The following CEP83 variants were observed in gnomAD, a reference collection of about 807,000 sequenced individuals.
CEP83 encodes the protein centrosomal protein 83, also known as centrosomal protein of 83 kDa.
CEP83 carries 70 observed loss-of-function variants against 101.9 expected under a neutral mutation model. The observed-to-expected ratio is 0.69, with a 90% CI of 0.57 to 0.84. CEP83 has a LOEUF of 0.84. CEP83 is among the 40% of genes least tolerant of loss of function. CEP83 has a pLI of 0.00. For synonymous variants in CEP83, 264 were observed against 267.9 expected, an observed-to-expected ratio of 0.99 and a Z score of 0.14; for missense variants, 715 against 787.2, an observed-to-expected ratio of 0.91 and a Z score of 1.10.
At chr12:94,373,276 T>C (rs2061384000) in intron 8 of CEP83, among the ~76,000 whole-genome samples, 1 of 152,228 alleles carries the variant, frequency 6.6e-6, no homozygotes, top group Admixed American at 6.5e-5. Flanking sequence ...ATTTGCTTTA[T>C]GTTTTGACAC....
the CEP83 span, among the ~76,000 whole-genome samples, chr12:94,271,755 T>C: frequency 7.9e-5 from 12 of 152,204 alleles, no homozygotes; most frequent in African/African-American, 2.7e-4. Flanking sequence ...TGATTCAGTT[T>C]TCCTTGTCTG....
the CEP83 span, chr12:94,278,065 CCTCT>C: frequency 1.1e-5 from 5 of 456,056 alleles, no homozygotes; most frequent in African/African-American, 2.0e-5. Context: ...GCCCCCCCTC[CCTCT>C]GTCTCTGTAT....
At chr12:94,356,778 C>T (rs1236389388) in intron 11 of CEP83, among the ~76,000 whole-genome samples, 1 of 152,226 alleles carries the variant, frequency 6.6e-6, no homozygotes, top group African/African-American at 2.4e-5. Flanking sequence ...TGTCTAACTC[C>T]TGCTCAGTTC....
intron 6 of CEP83, among the ~76,000 whole-genome samples, chr12:94,384,507 T>G (rs2062024082): frequency 6.6e-6 from 1 of 152,210 alleles, no homozygotes; most frequent in South Asian, 2.1e-4. Flanking sequence ...CCCTGCCCTC[T>G]TTTCTCCTTT....
chr12:94,298,491 A>ATTTTACATTT, the CEP83 span: 1 of 708,896 alleles, frequency 1.4e-6, no homozygotes, highest in Non-Finnish European at 2.3e-6. Flanking sequence ...ACATTTGACA[A>ATTTTACATTT]TTTTACATTT....
At chr12:94,432,368 G>GT (rs913182700) in intron 2 of CEP83, among the ~76,000 whole-genome samples, 6 of 151,650 alleles carry the variant, frequency 4.0e-5, no homozygotes, top group Admixed American at 1.3e-4. Flanking sequence ...GGCCTGAACT[G>GT]TTTTTTTTAA....
the CEP83 span, among the ~76,000 whole-genome samples, chr12:94,269,152 G>C: frequency 0.12 from 18,130 of 152,152 alleles, 1,299 homozygotes; most frequent in African/African-American, 0.19. Flanking sequence ...TGTAATCAAA[G>C]TTAAGTGTGA....
intron 1 of CEP83, among the ~76,000 whole-genome samples, chr12:94,441,654 G>A (rs555739620): frequency 1.1e-4 from 17 of 152,270 alleles, no homozygotes; most frequent in South Asian, 2.1e-4. Flanking sequence ...TGTGGCTCAC[G>A]CCTGTAATCC....
chr12:94,453,791 C>T lies in CEP83; in HGVS notation c.-155+5766G>A, dbSNP rs564875586. ...AGCCTTGGTCTCCTGAATCACAATT[C>T]TCTTCCCACAAAATTACAGTGCCTA... On this transcript the variant is annotated intron_variant, in intron 1 of 16. Transcript: ENST00000397809. Among the ~76,000 whole-genome samples, 3 of 152,266 alleles carry T rather than the reference C, an allele frequency of 2.0e-5. No homozygotes were observed. In the East Asian group the frequency reaches 5.8e-4, roughly 29 times the overall value.
At chr12:94,267,220 C>A in the CEP83 span, among the ~76,000 whole-genome samples, 2 of 152,110 alleles carry the variant, frequency 1.3e-5, no homozygotes, top group Non-Finnish European at 2.9e-5. Context: ...CAACACCGGA[C>A]CCAAACAGGA....
intron 11 of CEP83, among the ~76,000 whole-genome samples, chr12:94,363,881 G>A (rs2060896286): frequency 6.6e-6 from 1 of 150,662 alleles, no homozygotes; most frequent in Non-Finnish European, 1.5e-5. Context: ...CTGGGAGACA[G>A]AGGTTGCAGT....
At chr12:94,459,020 T>C (rs962885447) in intron 1 of CEP83, among the ~76,000 whole-genome samples, 3 of 152,234 alleles carry the variant, frequency 2.0e-5, no homozygotes, top group Non-Finnish European at 4.4e-5. Context: ...ATATATCATA[T>C]ACACGAAATT....
At chr12:94,422,490 G>A (rs1335048152) in intron 2 of CEP83, among the ~76,000 whole-genome samples, 1 of 152,124 alleles carries the variant, frequency 6.6e-6, no homozygotes, top group African/African-American at 2.4e-5. Flanking sequence ...TTGTGTATGT[G>A]GTTATATGCA....
the CEP83 span, among the ~76,000 whole-genome samples, chr12:94,285,908 T>C: frequency 3.6e-4 from 55 of 152,250 alleles, no homozygotes; most frequent in Admixed American, 3.3e-3. Flanking sequence ...TCAGCATCCC[T>C]TGGCCACTGT....
At chr12:94,296,967 G>C in the CEP83 span, among the ~76,000 whole-genome samples, 1 of 152,122 alleles carries the variant, frequency 6.6e-6, no homozygotes, top group East Asian at 1.9e-4. Flanking sequence ...GATCACTAGG[G>C]AATCTACTTC....
intron 1 of CEP83, among the ~76,000 whole-genome samples, chr12:94,444,954 T>C (rs1353636862): frequency 6.6e-6 from 1 of 152,054 alleles, no homozygotes; most frequent in Non-Finnish European, 1.5e-5. Context: ...TCATTCAAAA[T>C]ACCAAGTTTT....
chr12:94,364,577 C>G (rs1481031412), intron 11 of CEP83, among the ~76,000 whole-genome samples: 1 of 151,798 alleles, frequency 6.6e-6, no homozygotes, highest in Non-Finnish European at 1.5e-5. Flanking sequence ...TTACAGTGAG[C>G]CATGATCGCT....
intron 1 of CEP83, among the ~76,000 whole-genome samples, chr12:94,440,679 G>GA (rs201905032): frequency 0.087 from 13,195 of 151,548 alleles, 678 homozygotes; most frequent in Middle Eastern, 0.17. Context: ...CACAGATCTA[G>GA]AAAAAAAATC....
At chr12:94,282,528 G>A in the CEP83 span, 45 of 656,806 alleles carry the variant, frequency 6.9e-5, no homozygotes, top group South Asian at 8.3e-4. Flanking sequence ...CGTGTCTGGG[G>A]CTGAAGTTTT....
Sources: allele counts gnomAD v4.1 joint callset (sites outside exome capture counted in the v4.1 genomes callset), GRCh38; gene constraint gnomAD v4.1.1; transcripts MANE v1.5; gene names NCBI Gene and HGNC (gene_info 2026-07-23, HGNC 2026-07-21).